Variants in NME8 observed in about 807,000 individuals in gnomAD.
NME8 encodes protein NME8.
In NME8, 72 loss-of-function variants were observed where a neutral mutation model predicts 82.3. That is an observed-to-expected ratio of 0.87 (90% CI 0.72 to 1.06). NME8 has a LOEUF of 1.06. Among genes scored for constraint, NME8 ranks in the 50% least tolerant of loss-of-function variants. NME8 has a pLI of 0.00. For synonymous variants in NME8, 267 were observed against 228.5 expected, an observed-to-expected ratio of 1.17 and a Z score of -1.52; for missense variants, 712 against 685.4, an observed-to-expected ratio of 1.04 and a Z score of -0.43.
chr7:37,856,669 A>G (rs1453146166), intron 5 of NME8, among the ~76,000 whole-genome samples: 1 of 152,232 alleles, frequency 6.6e-6, no homozygotes, highest in Non-Finnish European at 1.5e-5. Flanking sequence ...AGAAAATATT[A>G]AGAAAATTAC....
intron 14 of NME8, among the ~76,000 whole-genome samples, chr7:37,886,862 C>CAAAAA (rs3837059): frequency 7.9e-4 from 112 of 142,274 alleles, no homozygotes; most frequent in African/African-American, 2.8e-3. Context: ...GGTGATAAGG[C>CAAAAA]AAAAAAAAAA....
At chr7:37,870,754 T>C (rs1362078975) in intron 11 of NME8, among the ~76,000 whole-genome samples, 1 of 152,106 alleles carries the variant, frequency 6.6e-6, no homozygotes, top group Non-Finnish European at 1.5e-5. Flanking sequence ...TGTGTACATG[T>C]TAATCAAATT....
chr7:37,866,473 A>G (rs1451965334), intron 10 of NME8, among the ~76,000 whole-genome samples: 2 of 152,174 alleles, frequency 1.3e-5, no homozygotes, highest in African/African-American at 2.4e-5. Context: ...AGAAAATCCA[A>G]TTCCTGGGCC....
intron 15 of NME8, among the ~76,000 whole-genome samples, chr7:37,893,440 G>A (rs528677486): frequency 6.6e-6 from 1 of 152,246 alleles, no homozygotes; most frequent in Non-Finnish European, 1.5e-5. Flanking sequence ...ACAGGGCATA[G>A]CTCTTGATAA....
chr7:37,856,185 T>A (rs1393241360), intron 5 of NME8, among the ~76,000 whole-genome samples: 1 of 152,210 alleles, frequency 6.6e-6, no homozygotes, highest in Non-Finnish European at 1.5e-5. Context: ...TGAAAAGCAT[T>A]GCCTTAGATT....
intron 12 of NME8, among the ~76,000 whole-genome samples, chr7:37,884,087 T>C (rs1165248390): frequency 1.3e-5 from 2 of 152,096 alleles, no homozygotes; most frequent in African/African-American, 4.8e-5. Context: ...GCATGCATGA[T>C]TCCTATACGA....
At position 37,897,123 on chromosome 7, in the gene NME8, A is replaced by G. The variant is rs1785241993; in HGVS notation, c.*15+16A>G. On this transcript the variant is annotated intron_variant, in intron 17 of 17. Transcript: ENST00000199447. ...ATACTGTGAAGTACGTACCTGTTTA[A>G]TTATTATTTTATTTTATTTGCTTGT... 1 of 1,440,984 alleles carries G rather than the reference A, an allele frequency of 6.9e-7. No homozygotes were observed. The highest frequency in any genetic ancestry group is 1.4e-5 in the African/African-American group (1 of 71,050). The allele number at this position is 1,440,984 out of a possible 1,614,324, so 89.3% of individuals were successfully genotyped here. A position where few individuals can be genotyped will look rare whatever the true frequency, so the allele number is the denominator to read the frequency against.
intron 15 of NME8, among the ~76,000 whole-genome samples, chr7:37,890,579 C>T (rs983894535): frequency 7.2e-5 from 11 of 151,920 alleles, no homozygotes; most frequent in Admixed American, 5.9e-4. Context: ...CTCCCTGCCC[C>T]ATAGCCTCCC....
At chr7:37,858,117 A>T (rs193188466) in intron 6 of NME8, among the ~76,000 whole-genome samples, 2 of 152,336 alleles carry the variant, frequency 1.3e-5, no homozygotes, top group East Asian at 3.9e-4. Context: ...TTCTAAAAGC[A>T]GAGTGTACAG....
intron 6 of NME8, among the ~76,000 whole-genome samples, chr7:37,858,305 T>C (rs1459764119): frequency 6.6e-6 from 1 of 152,224 alleles, no homozygotes; most frequent in Non-Finnish European, 1.5e-5. Flanking sequence ...AACTTTTTTC[T>C]GCTATTAAAC....
intron 7 of NME8, among the ~76,000 whole-genome samples, chr7:37,862,347 G>C (rs914824584): frequency 2.6e-5 from 4 of 152,092 alleles, no homozygotes; most frequent in African/African-American, 7.2e-5. Flanking sequence ...TGTAAATGGT[G>C]CAACTTTTCT....
chr7:37,867,493 G>A (rs943791460), intron 10 of NME8, among the ~76,000 whole-genome samples: 5 of 151,910 alleles, frequency 3.3e-5, no homozygotes, highest in Admixed American at 6.6e-5. Context: ...TGTCCCCCAT[G>A]AATATATGCA....
chr7:37,899,946 T>C (rs901143412), intron 17 of NME8, among the ~76,000 whole-genome samples: 1 of 152,198 alleles, frequency 6.6e-6, no homozygotes, highest in Non-Finnish European at 1.5e-5. Context: ...CTTCCTATTG[T>C]CTTCCTAACC....
At chr7:37,874,511 G>A (rs2598026) in intron 11 of NME8, among the ~76,000 whole-genome samples, 84,744 of 151,984 alleles carry the variant, frequency 0.56, 24,786 homozygotes, top group East Asian at 0.69. Flanking sequence ...GAAAAAGACA[G>A]TAAACATTAA....
chr7:37,857,684 A>T (rs973688607), intron 6 of NME8, among the ~76,000 whole-genome samples: 11 of 152,234 alleles, frequency 7.2e-5, no homozygotes, highest in African/African-American at 2.2e-4. Context: ...AGAACTGGTT[A>T]TAAACATTCA....
At chr7:37,875,471 CAGAG>C (rs67103699) in intron 11 of NME8, among the ~76,000 whole-genome samples, 51,021 of 151,480 alleles carry the variant, frequency 0.34, 9,341 homozygotes, top group East Asian at 0.53. Flanking sequence ...AAGCAGGAGA[CAGAG>C]AGAACAAATA....
At chr7:37,889,244 C>T (rs2131971230) in intron 15 of NME8, among the ~76,000 whole-genome samples, 1 of 151,782 alleles carries the variant, frequency 6.6e-6, no homozygotes, top group Admixed American at 6.6e-5. Context: ...TATATTTCCT[C>T]CATTTCAGTG....
intron 11 of NME8, among the ~76,000 whole-genome samples, chr7:37,871,608 C>A (rs1345761087): frequency 6.6e-6 from 1 of 151,998 alleles, no homozygotes. Flanking sequence ...TATGCCAAAT[C>A]CTAGAGATAC....
chr7:37,885,555 G>T (rs1354749881), intron 14 of NME8, among the ~76,000 whole-genome samples: 1 of 152,212 alleles, frequency 6.6e-6, no homozygotes, highest in Non-Finnish European at 1.5e-5. Context: ...CTATTTAGGA[G>T]AAATTCCTTT....
Sources: gnomAD v4.1 joint callset for allele counts (sites outside exome capture counted in the v4.1 genomes callset) on GRCh38, gnomAD v4.1.1 for gene constraint, MANE v1.5 for transcripts, NCBI Gene and HGNC (gene_info 2026-07-23, HGNC 2026-07-21) for gene names.